The following SRPK1 variants were observed in gnomAD, a reference collection of about 807,000 sequenced individuals.
SRPK1 encodes SRSF protein kinase 1.
Under a neutral mutation model 89.5 loss-of-function variants are expected in SRPK1, and 52 were observed. That is an observed-to-expected ratio of 0.58 (90% CI 0.46 to 0.73). SRPK1 has a LOEUF of 0.73. SRPK1 is among the 30% of genes least tolerant of loss of function. The pLI is 0.00. For missense variants in SRPK1, 603 were observed against 780.6 expected, an observed-to-expected ratio of 0.77 and a Z score of 2.71; for synonymous variants, 255 against 270.2, an observed-to-expected ratio of 0.94 and a Z score of 0.55.
At position 35,838,604 on chromosome 6, in the gene SRPK1, T is replaced by A. The variant is rs768871760; in HGVS notation, c.1691-175A>T. ...AGACTCTATCCATCTAATGGAGAAT[T>A]CACAAAGTCAAATTTTTGTGGATTC... On this transcript the variant is annotated intron_variant, in intron 14 of 15. Coordinates refer to ENST00000373825, the MANE Select transcript of SRPK1 (RefSeq NM_003137.5). The A allele has an allele frequency of 1.5e-5, 23 of 1,525,900 alleles. No individual in the cohort carries two copies. In the South Asian group the frequency reaches 2.0e-4, roughly 13 times the overall value. 94.5% of individuals were successfully genotyped at this position (1,525,900 alleles called of 1,614,324 possible).
At chr6:35,874,181 A>C in intron 7 of SRPK1, 52 bp downstream of exon 7, 1 of 1,423,238 alleles carries the variant, frequency 7.0e-7, no homozygotes, top group Non-Finnish European at 9.7e-7. Flanking sequence ...AAGAATATTA[A>C]AAAATCACTA....
chr6:35,912,525 C>G (rs781355740), intron 2 of SRPK1, among the ~76,000 whole-genome samples: 18 of 152,176 alleles, frequency 1.2e-4, no homozygotes, highest in Admixed American at 2.6e-4. Flanking sequence ...CAGTACAGTG[C>G]AAACATAACT....
intron 2 of SRPK1, among the ~76,000 whole-genome samples, chr6:35,898,466 CA>C (rs1285380735): frequency 6.6e-6 from 1 of 152,210 alleles, no homozygotes; most frequent in Non-Finnish European, 1.5e-5. Context: ...TCTCAGAATT[CA>C]CCACTAAAGA....
intron 6 of SRPK1, among the ~76,000 whole-genome samples, chr6:35,882,547 A>C (rs951642180): frequency 2.6e-5 from 4 of 151,954 alleles, no homozygotes; most frequent in Non-Finnish European, 5.9e-5. Flanking sequence ...TGAACACCTC[A>C]GCTTTGCAAG....
intron 2 of SRPK1, among the ~76,000 whole-genome samples, chr6:35,903,244 G>A (rs889185992): frequency 2.0e-5 from 3 of 152,102 alleles, no homozygotes; most frequent in African/African-American, 7.2e-5. Context: ...GGCCGTGGTG[G>A]CTCACGCCTG....
chr6:35,843,838 T>A (rs973117665), intron 13 of SRPK1, among the ~76,000 whole-genome samples: 1 of 152,004 alleles, frequency 6.6e-6, no homozygotes, highest in Non-Finnish European at 1.5e-5. Flanking sequence ...ACTCCCTAAT[T>A]AGGAAAAGAA....
intron 13 of SRPK1, among the ~76,000 whole-genome samples, chr6:35,850,132 A>G (rs1397458486): frequency 6.6e-6 from 1 of 152,200 alleles, no homozygotes; most frequent in East Asian, 1.9e-4. Context: ...TTTTAACTAT[A>G]ACGATGTTTC....
In SRPK1 at chr6:35,882,133, G is replaced by C. The variant is rs113775827; in HGVS notation, c.478+4591C>G. 2.2e-4 allele frequency among the ~76,000 whole-genome samples: 30 copies of C among 138,192 alleles called. No homozygotes were observed. In the East Asian group the frequency reaches 4.4e-3, roughly 20 times the overall value. The allele number at this position is 138,192 out of a possible 152,430, so 90.7% of individuals were successfully genotyped here. ...AGTAGTAGTACTAGTAGTAGTAGTA[G>C]TAGTAGTAGTAGTAGTAGTAGTAGT... On this transcript the variant is annotated intron_variant, in intron 6 of 15. Coordinates refer to ENST00000373825, the MANE Select transcript of SRPK1 (RefSeq NM_003137.5).
chr6:35,854,307 G>C (rs1037195583), intron 13 of SRPK1, among the ~76,000 whole-genome samples: 1 of 152,042 alleles, frequency 6.6e-6, no homozygotes, highest in African/African-American at 2.4e-5. Context: ...TCAATGTAGA[G>C]GCAATCTCAA....
intron 2 of SRPK1, among the ~76,000 whole-genome samples, chr6:35,911,772 GC>G (rs1336400272): frequency 1.3e-5 from 2 of 151,790 alleles, no homozygotes; most frequent in Non-Finnish European, 2.9e-5. Flanking sequence ...TGGTAAAGAT[GC>G]TGTGAACATT....
At chr6:35,867,346 T>C (rs1283983707) in intron 12 of SRPK1, among the ~76,000 whole-genome samples, 1 of 152,180 alleles carries the variant, frequency 6.6e-6, no homozygotes, top group Non-Finnish European at 1.5e-5. Flanking sequence ...TTCTTATTAG[T>C]CAGTGCTAAG....
chr6:35,868,928 TG>T, intron 12 of SRPK1, 81 bp downstream of exon 12: 6 of 1,035,706 alleles, frequency 5.8e-6, no homozygotes, highest in Non-Finnish European at 8.6e-6. Flanking sequence ...TACAGAATTA[TG>T]GATGTTTTGC....
At chr6:35,870,994 C>T (rs1220277320) in intron 8 of SRPK1, 35 bp from the exon 9 acceptor site, 5 of 1,593,962 alleles carry the variant, frequency 3.1e-6, no homozygotes, top group Non-Finnish European at 4.3e-6. Context: ...AGAATTCTGG[C>T]ATTCATCAGG....
intron 12 of SRPK1, among the ~76,000 whole-genome samples, chr6:35,864,881 T>A (rs1407305270): frequency 1.3e-5 from 2 of 152,206 alleles, no homozygotes; most frequent in Non-Finnish European, 2.9e-5. Flanking sequence ...TCCTGTCATT[T>A]ACAACATGGA....
chr6:35,868,914 T>C lies in SRPK1; in HGVS notation c.1512+96A>G, dbSNP rs1769967004. The C allele has an allele frequency of 4.4e-6, 4 of 903,928 alleles. No individual in the cohort carries two copies. In the East Asian group the frequency reaches 7.8e-5, roughly 18 times the overall value. The allele number at this position is 903,928 out of a possible 1,614,324, so 56.0% of individuals were successfully genotyped here. A position where few individuals can be genotyped will look rare whatever the true frequency, so the allele number is the denominator to read the frequency against. On this transcript the variant is annotated intron_variant, in intron 12 of 15. Coordinates refer to ENST00000373825, the MANE Select transcript of SRPK1 (RefSeq NM_003137.5). ...TATTCACTGAAGTGTTGTATCAATC[T>C]GGGTACAGAATTATGGATGTTTTGC...
chr6:35,918,260 G>A (rs1039458055), intron 2 of SRPK1, among the ~76,000 whole-genome samples: 2 of 152,192 alleles, frequency 1.3e-5, no homozygotes, highest in Non-Finnish European at 2.9e-5. Context: ...CAGCACTTTG[G>A]GAGGCTGAGG....
At chr6:35,836,279 ACCAC>A (rs1769176754) in intron 15 of SRPK1, among the ~76,000 whole-genome samples, 1 of 151,596 alleles carries the variant, frequency 6.6e-6, no homozygotes, top group Non-Finnish European at 1.5e-5. Flanking sequence ...TTATCTCCAA[ACCAC>A]CCCCCAACCC....
Position 35,869,758 on chromosome 6 carries a change from C to A in SRPK1, c.1135G>T (p.Asp379Tyr), listed in dbSNP as rs1769989823. ...TCACAGTCATTAGCATTATGTAGAT[C>A]CTCTTTATGTCTCAATGTTTCATTA... ...SNNETLRHKE[D>Y]LHNANDCDVQ... The change falls in exon 11 of 16, where the codon GAT becomes TAT. Residue 379 changes from aspartate (D) to tyrosine (Y), a missense_variant. Asp to Tyr is a radical substitution (Grantham distance 160). Coordinates refer to ENST00000373825, the MANE Select transcript of SRPK1 (RefSeq NM_003137.5). 1 of 1,613,734 alleles carries A rather than the reference C, an allele frequency of 6.2e-7. No homozygotes were observed. The highest frequency in any genetic ancestry group is 1.7e-5 in the Admixed American group (1 of 59,974).
At chr6:35,881,440 TATAGATATAGATATAGATATAGATATAG>T (rs1042215286) in intron 6 of SRPK1, among the ~76,000 whole-genome samples, 8 of 78,252 alleles carry the variant, frequency 1.0e-4, no homozygotes, top group South Asian at 5.1e-4. Context: ...TAGATATAGA[TATAGATATAGATATAGATATAGATATAG>T]ATATAGATAT....
Sources: allele counts gnomAD v4.1 joint callset (sites outside exome capture counted in the v4.1 genomes callset), GRCh38; gene constraint gnomAD v4.1.1; transcripts MANE v1.5; gene names NCBI Gene and HGNC (gene_info 2026-07-23, HGNC 2026-07-21).